The following AGAP1 variants were observed in gnomAD, a reference collection of about 807,000 sequenced individuals.
The protein encoded by AGAP1 is ArfGAP with GTPase domain, ankyrin repeat and PH domain 1.
In AGAP1, 29 loss-of-function variants were observed where a neutral mutation model predicts 105.3. The observed-to-expected ratio is 0.28, with a 90% CI of 0.21 to 0.38. AGAP1 has a LOEUF of 0.38. AGAP1 is among the 10% of genes least tolerant of loss of function. The pLI is 1.00. For missense variants in AGAP1, 998 were observed against 1,165.1 expected (o/e 0.86, Z 2.09); for synonymous variants, 509 against 485.9 (o/e 1.05, Z -0.63).
In AGAP1 at chr2:235,826,045, G is replaced by A. The variant is rs557629879; in HGVS notation, c.1050+18714G>A. ...AAAAATAGAAACCCTCTCAATTGTTGCTGCACCCAGCGTGGAAGAGGAGGT... is the reference window on the plus strand; with the variant it reads ...AAAAATAGAAACCCTCTCAATTGTTACTGCACCCAGCGTGGAAGAGGAGGT... On this transcript the variant is annotated intron_variant, in intron 9 of 17. Transcript: ENST00000304032. 4.6e-5 allele frequency among the ~76,000 whole-genome samples: 7 copies of A among 152,188 alleles called. No homozygotes were observed. The South Asian group carries it at 1.2e-3, about 27-fold the overall frequency.
rs2125919929 is a variant in AGAP1, at chr2:236,105,690, TTCACGCCATTCTCC to T, written c.2115-14501_2115-14488del. On this transcript the variant is annotated intron_variant, in intron 16 of 17. Transcript: ENST00000304032. This position sits in a 1 kb window ranked among gnomAD's most constrained non-coding sequence, Gnocchi z 4.2. ...CCCGCGTTCACGCCATTCTCCCGCGTTCACGCCATTCTCCCACCTCAGCCTCCCGAGTAGCTGGG... is the reference window on the plus strand; with the variant it reads ...CCCGCGTTCACGCCATTCTCCCGCGTCACCTCAGCCTCCCGAGTAGCTGGG... 6.6e-6 allele frequency among the ~76,000 whole-genome samples: 1 copy of T among 150,484 alleles called. No homozygotes were observed. Among genetic ancestry groups the T allele is most frequent in the South Asian group, 2.1e-4 (1 of 4,666 alleles).
intron 11 of AGAP1, among the ~76,000 whole-genome samples, chr2:235,924,105 C>A (rs1024769937): frequency 2.4e-4 from 36 of 152,224 alleles, no homozygotes; most frequent in African/African-American, 8.4e-4. Context: ...GACACTACCC[C>A]TGTCTCACCA....
intron 1 of AGAP1, among the ~76,000 whole-genome samples, chr2:235,671,499 GC>G (rs1392985306): frequency 6.6e-6 from 1 of 152,206 alleles, no homozygotes; most frequent in African/African-American, 2.4e-5. Context: ...GCCCCTCCCT[GC>G]CTCGAGTCGT....
chr2:235,533,994 G>C (rs1943127620), intron 1 of AGAP1, among the ~76,000 whole-genome samples: 1 of 152,210 alleles, frequency 6.6e-6, no homozygotes, highest in African/African-American at 2.4e-5. Context: ...GGCTTCAGGG[G>C]AGCCACATGG....
chr2:236,015,992 A>G (rs973874863), intron 13 of AGAP1, among the ~76,000 whole-genome samples: 3 of 151,806 alleles, frequency 2.0e-5, no homozygotes, highest in Non-Finnish European at 4.4e-5. Context: ...TCTTTCTTTC[A>G]CAATTACTCC....
chr2:235,540,981 A>G (rs1191401643), intron 1 of AGAP1, among the ~76,000 whole-genome samples: 3 of 151,668 alleles, frequency 2.0e-5, no homozygotes, highest in East Asian at 1.9e-4. Flanking sequence ...TAGACTTACA[A>G]TTTTTTTTTA....
At chr2:235,651,991 G>A (rs1947610264) in intron 1 of AGAP1, among the ~76,000 whole-genome samples, 2 of 152,110 alleles carry the variant, frequency 1.3e-5, no homozygotes, top group African/African-American at 2.4e-5. Context: ...TAGGGTTTGG[G>A]GCACCCCTTT....
intron 16 of AGAP1, among the ~76,000 whole-genome samples, chr2:236,098,878 C>G (rs1200001801): frequency 6.6e-6 from 1 of 151,442 alleles, no homozygotes; most frequent in Non-Finnish European, 1.5e-5. Context: ...CCGTCTTAGC[C>G]TCCCCAAGTG....
At position 235,744,484 on chromosome 2, in the gene AGAP1, C is replaced by T. The variant is rs187022005; in HGVS notation, c.397-214C>T. Among the ~76,000 whole-genome samples the T allele has an allele frequency of 3.9e-5, 6 of 152,192 alleles. No homozygotes were observed. In the East Asian group the frequency reaches 1.2e-3, roughly 30 times the overall value. On this transcript the variant is annotated intron_variant, in intron 4 of 17. Transcript: ENST00000304032. The surrounding 1 kb of genome is among the most constrained non-coding windows in gnomAD (Gnocchi z 5.2). Reference sequence around the variant, plus strand: ...GCTTGGGTGGGAACAGGATGAAGGGCCCATTCCCAAGGGGAACACCAGGCA... The same window carrying T: ...GCTTGGGTGGGAACAGGATGAAGGGTCCATTCCCAAGGGGAACACCAGGCA...
In AGAP1 at chr2:235,958,055, C is replaced by CT. The variant is rs2054022133; in HGVS notation, c.1484-10403dup. ...TTCCTCTCTCTTTTCTTTTGTCTTT[C>CT]TTTTCCTTTTTTTCCATATAGATGC... On this transcript the variant is annotated intron_variant, in intron 12 of 17. Transcript: ENST00000304032. This position sits in a 1 kb window ranked among gnomAD's most constrained non-coding sequence, Gnocchi z 4.1. Among the ~76,000 whole-genome samples, 1 of 152,152 alleles carries CT rather than the reference C, an allele frequency of 6.6e-6. No homozygotes were observed. The highest frequency in any genetic ancestry group is 2.4e-5 in the African/African-American group (1 of 41,436).
rs771865696 is a variant in AGAP1, at chr2:236,042,707, G to A, written c.1891+1866G>A. Among the ~76,000 whole-genome samples, 21 of 152,138 alleles carry A rather than the reference G, an allele frequency of 1.4e-4. No individual in the cohort carries two copies. Among genetic ancestry groups the A allele is most frequent in the African/African-American group, 4.1e-4 (17 of 41,422 alleles). On this transcript the variant is annotated intron_variant, in intron 15 of 17. Transcript: ENST00000304032. The surrounding 1 kb of genome is among the most constrained non-coding windows in gnomAD (Gnocchi z 5.6). ...GAGATGAGCTTGTGCATGTGAGTGCGGATGGGGGGTGGGAAAGGGAGGCCA... is the reference window on the plus strand; with the variant it reads ...GAGATGAGCTTGTGCATGTGAGTGCAGATGGGGGGTGGGAAAGGGAGGCCA...
At chr2:235,602,398 G>A (rs1176899969) in intron 1 of AGAP1, among the ~76,000 whole-genome samples, 1 of 152,136 alleles carries the variant, frequency 6.6e-6, no homozygotes, top group African/African-American at 2.4e-5. Flanking sequence ...CGTGGCAGTG[G>A]AACTTTGTTA....
chr2:235,581,134 C>CAAAA (rs60330965), intron 1 of AGAP1, among the ~76,000 whole-genome samples: 60 of 87,914 alleles, frequency 6.8e-4, no homozygotes, highest in East Asian at 3.0e-3. Context: ...CCATCTCAAG[C>CAAAA]AAAAAAAAAA....
chr2:235,896,611 C>T (rs2050818871), intron 10 of AGAP1, among the ~76,000 whole-genome samples: 1 of 152,180 alleles, frequency 6.6e-6, no homozygotes, highest in African/African-American at 2.4e-5. Context: ...AGAAGAAAAC[C>T]ACCCAGCAAT....
At chr2:235,833,815 A>G (rs948059521) in intron 9 of AGAP1, among the ~76,000 whole-genome samples, 1 of 151,762 alleles carries the variant, frequency 6.6e-6, no homozygotes, top group African/African-American at 2.4e-5. Flanking sequence ...ATGTTCTATG[A>G]AATGATCCTA....
Position 235,962,917 on chromosome 2 carries a change from C to T in AGAP1, c.1484-5545C>T, listed in dbSNP as rs1575901960. Among the ~76,000 whole-genome samples the T allele has an allele frequency of 6.6e-6, 1 of 152,136 alleles. No individual in the cohort carries two copies. The highest frequency in any genetic ancestry group is 2.4e-5 in the African/African-American group (1 of 41,432). The stretch of plus-strand genomic sequence containing the variant: ...CTCCACCCAGTTTGATACCCAGAAA[C>T]GTCTCCAGCCATTGCCAGAGGTCCT... On this transcript the variant is annotated intron_variant, in intron 12 of 17. Coordinates refer to ENST00000304032, the MANE Select transcript of AGAP1 (RefSeq NM_001037131.3). This position sits in a 1 kb window ranked among gnomAD's most constrained non-coding sequence, Gnocchi z 5.3.
intron 13 of AGAP1, among the ~76,000 whole-genome samples, chr2:235,984,182 C>G (rs908498307): frequency 1.3e-5 from 2 of 152,190 alleles, no homozygotes; most frequent in African/African-American, 4.8e-5. Context: ...CCTTTTGTGT[C>G]TGGCATCTTA....
In AGAP1 at chr2:236,123,610, A is replaced by T. The variant is rs899403451; in HGVS notation, c.2371-309A>T. On this transcript the variant is annotated intron_variant, in intron 17 of 17. Transcript: ENST00000304032. The surrounding 1 kb of genome is among the most constrained non-coding windows in gnomAD (Gnocchi z 4.6). ...TGAAAATTCTGAGATCAAAACAATG[A>T]TTTTCTTTGTGCAATTGGAAAGTCA... 2.6e-5 allele frequency among the ~76,000 whole-genome samples: 4 copies of T among 152,102 alleles called. No individual in the cohort carries two copies. Among genetic ancestry groups the T allele is most frequent in the African/African-American group, 7.2e-5 (3 of 41,424 alleles).
intron 1 of AGAP1, among the ~76,000 whole-genome samples, chr2:235,534,328 G>A (rs1410027738): frequency 6.6e-6 from 1 of 152,180 alleles, no homozygotes; most frequent in Non-Finnish European, 1.5e-5. Flanking sequence ...TGTTTAATAA[G>A]AGGTCGCTGC....
Sources: allele counts gnomAD v4.1 joint callset (sites outside exome capture counted in the v4.1 genomes callset), GRCh38; gene constraint gnomAD v4.1.1; non-coding constraint Gnocchi (gnomAD v3.1); transcripts MANE v1.5; gene names NCBI Gene and HGNC (gene_info 2026-07-23, HGNC 2026-07-21).